The following RBFOX1 variants were observed in gnomAD, a reference collection of about 807,000 sequenced individuals.
RBFOX1 encodes RNA binding protein fox-1 homolog 1.
In RBFOX1, 8 loss-of-function variants were observed where a neutral mutation model predicts 57.7. That is an observed-to-expected ratio of 0.14 (90% CI 0.08 to 0.25). The LOEUF is 0.25. Ranked by LOEUF, RBFOX1 falls within the 10% of genes least tolerant of loss-of-function variation. RBFOX1 has a pLI of 1.00. For synonymous variants in RBFOX1, 326 were observed against 222.4 expected (o/e 1.47, Z -4.15); for missense variants, 611 against 548.5 (o/e 1.11, Z -1.14).
chr16:6,677,195 G>C (rs185867637), intron 3 of RBFOX1, among the ~76,000 whole-genome samples: 1 of 152,106 alleles, frequency 6.6e-6, no homozygotes, highest in Non-Finnish European at 1.5e-5. Context: ...CACATAATGA[G>C]TAAGTGGCAG....
intron 4 of RBFOX1, among the ~76,000 whole-genome samples, chr16:5,952,231 A>C (rs968430561): frequency 2.0e-5 from 3 of 151,456 alleles, no homozygotes; most frequent in Non-Finnish European, 2.9e-5. Context: ...GCTCACTGCA[A>C]CCTCCACCTC....
chr16:7,068,130 A>T (rs1055667523), intron 4 of RBFOX1, among the ~76,000 whole-genome samples: 2 of 151,932 alleles, frequency 1.3e-5, no homozygotes, highest in Admixed American at 6.6e-5. Context: ...CACCCAGATT[A>T]TCCAGGATAA....
intron 2 of RBFOX1, among the ~76,000 whole-genome samples, chr16:6,569,891 C>T (rs1317118850): frequency 6.6e-6 from 1 of 152,060 alleles, no homozygotes; most frequent in Non-Finnish European, 1.5e-5. Context: ...AATTTTAATC[C>T]CCTAATGTGT....
chr16:7,669,381 T>C (rs992425964), intron 13 of RBFOX1, among the ~76,000 whole-genome samples: 2 of 152,108 alleles, frequency 1.3e-5, no homozygotes, highest in Non-Finnish European at 2.9e-5. Flanking sequence ...AAAGAAATTA[T>C]AATGAACTGT....
chr16:6,517,687 C>G lies in RBFOX1; in HGVS notation c.-63-136916C>G, dbSNP rs563785304. Among the ~76,000 whole-genome samples the G allele has an allele frequency of 8.4e-4, 128 of 152,292 alleles. 1 individual carries two copies. Among genetic ancestry groups the G allele is most frequent in the Middle Eastern group, 3.4e-3 (1 of 294 alleles). On this transcript the variant is annotated intron_variant, in intron 2 of 15. Transcript: ENST00000550418. ...AATAAACTGGCCTCTTTCCTATTGT[C>G]TCTTCTTGATTACAAACCCTGTCTT...
intron 2 of RBFOX1, among the ~76,000 whole-genome samples, chr16:6,350,068 G>C (rs1479348717): frequency 6.6e-6 from 1 of 152,036 alleles, no homozygotes; most frequent in African/African-American, 2.4e-5. Context: ...ATTTCAAAAA[G>C]TCCTAGGTTT....
chr16:6,880,135 G>C lies in RBFOX1; in HGVS notation c.-15-171922G>C, dbSNP rs113763867. On this transcript the variant is annotated intron_variant, in intron 3 of 15. Transcript: ENST00000550418. ...TCGAGTTACTTCTTGTCAGTGGCTGGTGTTAGATGCACAGTTCTCTAATCA... is the reference window on the plus strand; with the variant it reads ...TCGAGTTACTTCTTGTCAGTGGCTGCTGTTAGATGCACAGTTCTCTAATCA... 2.7e-4 allele frequency among the ~76,000 whole-genome samples: 41 copies of C among 152,202 alleles called. 1 individual carries two copies. Among genetic ancestry groups the C allele is most frequent in the Non-Finnish European group, 4.6e-4 (31 of 68,030 alleles).
intron 4 of RBFOX1, among the ~76,000 whole-genome samples, chr16:7,328,085 G>C (rs966700197): frequency 3.3e-5 from 5 of 152,140 alleles, no homozygotes; most frequent in African/African-American, 1.2e-4. Context: ...TGTTAGTCTG[G>C]TGTCAAACTC....
chr16:7,604,489 G>T (rs1039177230), intron 9 of RBFOX1, among the ~76,000 whole-genome samples: 64 of 152,206 alleles, frequency 4.2e-4, no homozygotes, highest in African/African-American at 1.4e-3. Context: ...ATGAAGGAGA[G>T]TATCATTTAT....
intron 3 of RBFOX1, among the ~76,000 whole-genome samples, chr16:6,689,503 A>C (rs1052450361): frequency 1.3e-5 from 2 of 152,188 alleles, no homozygotes; most frequent in African/African-American, 2.4e-5. Flanking sequence ...TATTTAATGC[A>C]CAAATTTTTT....
chr16:6,486,107 T>TG (rs1355940982), intron 2 of RBFOX1, among the ~76,000 whole-genome samples: 49 of 82,216 alleles, frequency 6.0e-4, no homozygotes, highest in African/African-American at 1.9e-3. Context: ...TTTTTTTTTT[T>TG]GGCATTGATT....
At chr16:5,857,684 G>C (rs2057106752) in intron 3 of RBFOX1, among the ~76,000 whole-genome samples, 1 of 152,156 alleles carries the variant, frequency 6.6e-6, no homozygotes. Flanking sequence ...CATTTTGGGA[G>C]GCCAAGACGG....
chr16:6,407,691 A>G (rs1386865248), intron 2 of RBFOX1, among the ~76,000 whole-genome samples: 4 of 152,126 alleles, frequency 2.6e-5, no homozygotes, highest in African/African-American at 9.7e-5. Context: ...AAACAAAAAT[A>G]TCTTGAATGA....
At chr16:6,704,973 A>G (rs2062470660) in intron 3 of RBFOX1, 1 of 152,110 alleles carries the variant, frequency 6.6e-6, no homozygotes, top group African/African-American at 2.4e-5. Context: ...TATTTGGGAT[A>G]ATGCTACCTC....
intron 3 of RBFOX1, among the ~76,000 whole-genome samples, chr16:5,684,223 A>G (rs2151442421): frequency 6.6e-6 from 1 of 152,220 alleles, no homozygotes; most frequent in Admixed American, 6.5e-5. Flanking sequence ...GGCTGACAGG[A>G]TTGTAGGTTG....
intron 3 of RBFOX1, among the ~76,000 whole-genome samples, chr16:7,019,580 A>G (rs553949187): frequency 1.3e-5 from 2 of 152,258 alleles, no homozygotes; most frequent in East Asian, 3.9e-4. Flanking sequence ...CGAATGAATG[A>G]TCTGTTCTGT....
At chr16:6,156,558 G>A (rs2096839738) in intron 1 of RBFOX1, among the ~76,000 whole-genome samples, 1 of 152,180 alleles carries the variant, frequency 6.6e-6, no homozygotes, top group Non-Finnish European at 1.5e-5. Flanking sequence ...AAAGTTGTGT[G>A]GGGAGCTGTT....
At chr16:6,802,375 T>C (rs2085681245) in intron 3 of RBFOX1, among the ~76,000 whole-genome samples, 1 of 152,112 alleles carries the variant, frequency 6.6e-6, no homozygotes, top group South Asian at 2.1e-4. Flanking sequence ...TAACAGTTAA[T>C]GTTAGAAAGT....
intron 4 of RBFOX1, among the ~76,000 whole-genome samples, chr16:7,168,733 A>G (rs2080075771): frequency 6.6e-6 from 1 of 152,174 alleles, no homozygotes; most frequent in Admixed American, 6.5e-5. Flanking sequence ...GTCCCTAAAA[A>G]TATCCATAAC....
Sources: gnomAD v4.1 joint callset for allele counts (sites outside exome capture counted in the v4.1 genomes callset) on GRCh38, gnomAD v4.1.1 for gene constraint, MANE v1.5 for transcripts, NCBI Gene and HGNC (gene_info 2026-07-23, HGNC 2026-07-21) for gene names.